Variants in TBL1X observed in about 807,000 individuals in gnomAD.
TBL1X encodes the protein F-box-like/WD repeat-containing protein TBL1X.
In TBL1X, 10 loss-of-function variants were observed where a neutral mutation model predicts 50.7. That is an observed-to-expected ratio of 0.20 (90% confidence interval 0.12 to 0.33). The LOEUF (loss-of-function observed/expected upper bound fraction) is 0.33. Among genes scored for constraint, TBL1X ranks in the 10% least tolerant of loss-of-function variants. The pLI is 1.00. For synonymous variants in TBL1X, 190 were observed against 214.7 expected (o/e 0.88, Z 1.01); for missense variants, 340 against 504.4 (o/e 0.67, Z 3.12).
In TBL1X at chrX:9,609,335, A is replaced by AGG. The variant is rs200761280; in HGVS notation, c.-130-30937_-130-30936dup. Among the ~76,000 whole-genome samples the AGG allele has an allele frequency of 3.7e-3, 221 of 59,769 alleles. 1 individual carries two copies. The highest frequency in any genetic ancestry group is 0.016 in the South Asian group (18 of 1,136). The allele number at this position is 59,769 out of a possible 115,157, so 51.9% of individuals were successfully genotyped here. ...GCATTTTGGTGGTGTGTTTTCTTCC[A>AGG]GGTGTGTGTGTGTGTGTGTGTGTGT... On this transcript the variant is annotated intron_variant, in intron 2 of 17. Transcript: ENST00000645353.
At chrX:9,565,986 C>T (rs1385258380) in intron 2 of TBL1X, among the ~76,000 whole-genome samples, 5 of 112,141 alleles carry the variant, frequency 4.5e-5, no homozygotes, top group African/African-American at 6.5e-5. Flanking sequence ...TAAAAGGAGC[C>T]TTTTGCCTCA....
Position 9,588,445 on chromosome X carries a change from A to G in TBL1X, c.-130-51828A>G, listed in dbSNP as rs371486628. The stretch of plus-strand genomic sequence containing the variant: ...TAAAAAATTAAAATGAATGCAAGAA[A>G]TTCCATGAGGAACAAAATATTAATT... On this transcript the variant is annotated intron_variant, in intron 2 of 17. Coordinates refer to ENST00000645353, the MANE Select transcript of TBL1X (RefSeq NM_005647.4). Among the ~76,000 whole-genome samples, 159 of 111,795 alleles carry G rather than the reference A, an allele frequency of 1.4e-3. 4 individuals are homozygous for G. In the South Asian group the frequency reaches 0.057, roughly 40 times the overall value.
chrX:9,499,821 C>A (rs2081990961), intron 1 of TBL1X, among the ~76,000 whole-genome samples: 1 of 109,858 alleles, frequency 9.1e-6, no homozygotes. Context: ...ACTAAAAATA[C>A]AAAAATTAGC....
chrX:9,610,767 G>T (rs888638930), intron 2 of TBL1X, among the ~76,000 whole-genome samples: 4 of 112,136 alleles, frequency 3.6e-5, no homozygotes, highest in African/African-American at 1.3e-4. Flanking sequence ...ACTTTGAAAT[G>T]AAAACAAATG....
chrX:9,679,091 T>C (rs773230027), intron 5 of TBL1X, among the ~76,000 whole-genome samples: 1 of 108,367 alleles, frequency 9.2e-6, no homozygotes, highest in South Asian at 4.1e-4. Context: ...CTGTGTGTTA[T>C]GTTATCTAAG....
At chrX:9,624,765 T>C (rs906234427) in intron 2 of TBL1X, among the ~76,000 whole-genome samples, 10 of 111,998 alleles carry the variant, frequency 8.9e-5, no homozygotes, top group Non-Finnish European at 1.9e-4. Context: ...AAGACGTTGT[T>C]AAATAAGGTA....
At chrX:9,548,038 C>T (rs2082253587) in intron 2 of TBL1X, among the ~76,000 whole-genome samples, 1 of 106,408 alleles carries the variant, frequency 9.4e-6, no homozygotes, top group African/African-American at 3.4e-5. Context: ...CCACCACCAC[C>T]GCTACCAAAG....
chrX:9,617,091 T>G (rs1047896781), intron 2 of TBL1X, among the ~76,000 whole-genome samples: 2 of 112,008 alleles, frequency 1.8e-5, no homozygotes, highest in Non-Finnish European at 3.8e-5. Context: ...TGAGATAGTG[T>G]GAACAGCTCC....
In TBL1X at chrX:9,554,598, GT is replaced by G. The variant is rs772370667; in HGVS notation, c.-131+52754del. ...TCGCAGATCCCAGAGCAAATGAAGA[GT>G]TTTTGTTCTTTTAAAAATTGGAAGT... On this transcript the variant is annotated intron_variant, in intron 2 of 17. Transcript: ENST00000645353. Among the ~76,000 whole-genome samples, 90 of 112,374 alleles carry G rather than the reference GT, an allele frequency of 8.0e-4. 3 individuals are homozygous for G. In the South Asian group the frequency reaches 0.032, roughly 40 times the overall value.
chrX:9,498,980 C>G (rs1249484891), intron 1 of TBL1X, among the ~76,000 whole-genome samples: 1 of 111,612 alleles, frequency 9.0e-6, no homozygotes, highest in Non-Finnish European at 1.9e-5. Flanking sequence ...TGGAATGTCT[C>G]CCCTCCAGCA....
intron 2 of TBL1X, among the ~76,000 whole-genome samples, chrX:9,584,632 A>C (rs1359479441): frequency 2.7e-5 from 3 of 112,613 alleles, no homozygotes; most frequent in Non-Finnish European, 5.6e-5. Flanking sequence ...TATTGGAAGC[A>C]ATAGGAAACA....
chrX:9,672,500 G>A (rs189624606), intron 5 of TBL1X, among the ~76,000 whole-genome samples: 102 of 111,337 alleles, frequency 9.2e-4, no homozygotes, highest in African/African-American at 3.2e-3. Flanking sequence ...CTCCTTCTCC[G>A]TTCACTTCTC....
chrX:9,567,290 G>A (rs375185895), intron 2 of TBL1X, among the ~76,000 whole-genome samples: 3 of 111,485 alleles, frequency 2.7e-5, no homozygotes, highest in South Asian at 7.7e-4. Context: ...GTGCATTGGC[G>A]TGTCTGACAG....
chrX:9,702,962 C>T (rs1026714955), intron 12 of TBL1X, among the ~76,000 whole-genome samples: 2 of 111,450 alleles, frequency 1.8e-5, no homozygotes, highest in African/African-American at 3.3e-5. Context: ...CAGATGCGGA[C>T]GACTAGCTCT....
In TBL1X at chrX:9,694,070, G is replaced by A. The variant is rs773867383; in HGVS notation, c.1053+651G>A. Among the ~76,000 whole-genome samples, 3 of 111,192 alleles carry A rather than the reference G, an allele frequency of 2.7e-5. No individual in the cohort carries two copies. The South Asian group carries it at 1.2e-3, about 43-fold the overall frequency. On this transcript the variant is annotated intron_variant, in intron 11 of 17. Coordinates refer to ENST00000645353, the MANE Select transcript of TBL1X (RefSeq NM_005647.4). ...CCATCCTGGGCCCGAGTCTGATCCA[G>A]CCAGCAACCTCGGCCTCTGTGCATT...
At chrX:9,676,593 G>A (rs181747030) in intron 5 of TBL1X, among the ~76,000 whole-genome samples, 120 of 112,080 alleles carry the variant, frequency 1.1e-3, no homozygotes, top group African/African-American at 2.5e-3. Context: ...TTTGGACGCC[G>A]TCCGAGGCAG....
intron 2 of TBL1X, among the ~76,000 whole-genome samples, chrX:9,602,053 A>C (rs2082559879): frequency 8.9e-6 from 1 of 112,172 alleles, no homozygotes; most frequent in South Asian, 3.7e-4. Context: ...TGAGAAAACA[A>C]AAAGAAAGAA....
intron 2 of TBL1X, among the ~76,000 whole-genome samples, chrX:9,633,151 C>T (rs1185565764): frequency 8.9e-6 from 1 of 112,157 alleles, no homozygotes; most frequent in Non-Finnish European, 1.9e-5. Flanking sequence ...TTCTAGTTTG[C>T]TTATAACATA....
intron 3 of TBL1X, among the ~76,000 whole-genome samples, chrX:9,644,160 G>T (rs1410309707): frequency 8.9e-6 from 1 of 112,413 alleles, no homozygotes; most frequent in Non-Finnish European, 1.9e-5. Context: ...GGTGCACATT[G>T]TGTAGAAACT....
Sources: allele counts gnomAD v4.1 joint callset (sites outside exome capture counted in the v4.1 genomes callset), GRCh38; gene constraint gnomAD v4.1.1; transcripts MANE v1.5; gene names NCBI Gene and HGNC (gene_info 2026-07-23, HGNC 2026-07-21).